Variants in SHLD2 observed in about 807,000 individuals in gnomAD.
The protein encoded by SHLD2 is RINN1-REV7-interacting novel NHEJ regulator 2.
Under a neutral mutation model 73.2 loss-of-function variants are expected in SHLD2, and 30 were observed. That is an observed-to-expected ratio of 0.41 (90% confidence interval 0.31 to 0.56). The LOEUF is 0.56. Among genes scored for constraint, SHLD2 ranks in the 20% least tolerant of loss-of-function variants. The probability of loss-of-function intolerance (pLI) is 0.28; values close to 1 mark genes in which losing one functional copy is unlikely to be tolerated. For missense variants in SHLD2, 745 were observed against 1,055.9 expected (o/e 0.71, Z 4.08); for synonymous variants, 285 against 370.1 (o/e 0.77, Z 2.64).
At chr10:87,190,050 T>G (rs1208763799) in intron 9 of SHLD2, among the ~76,000 whole-genome samples, 1 of 151,634 alleles carries the variant, frequency 6.6e-6, no homozygotes, top group Non-Finnish European at 1.5e-5. Flanking sequence ...ATAGAAAGAG[T>G]AGTTTACTTA....
rs1473390918 is a variant in SHLD2 at position 87,127,541 on chromosome 10, C to CAT, written c.-5-23809_-5-23808insAT. ...GTCCCTCTTACCCGCCCCCCCCCAC[C>CAT]CCGTCTGCCACCCCCCGCCTCCCAC... On this transcript the variant is annotated intron_variant, in intron 2 of 9. Coordinates refer to ENST00000298786, the MANE Select transcript of SHLD2 (RefSeq NM_001330112.2). 8.5e-5 allele frequency among the ~76,000 whole-genome samples: 7 copies of CAT among 82,146 alleles called. No homozygotes were observed. The East Asian group carries it at 3.5e-3, about 41-fold the overall frequency. The allele number at this position is 82,146 out of a possible 152,430, so 53.9% of individuals were successfully genotyped here.
intron 1 of SHLD2, among the ~76,000 whole-genome samples, chr10:87,096,234 G>T (rs983762014): frequency 5.3e-5 from 8 of 151,900 alleles, no homozygotes; most frequent in African/African-American, 1.9e-4. Flanking sequence ...TAGTAGAGAC[G>T]GGGTTTCGCT....
chr10:87,124,769 A>T (rs1435008166), intron 2 of SHLD2, among the ~76,000 whole-genome samples: 2 of 148,492 alleles, frequency 1.3e-5, no homozygotes, highest in East Asian at 3.9e-4. Context: ...TTTTTGAGAC[A>T]GAATCTTGCT....
intron 2 of SHLD2, among the ~76,000 whole-genome samples, chr10:87,103,684 T>C (rs1448803530): frequency 1.3e-5 from 2 of 152,222 alleles, no homozygotes; most frequent in Non-Finnish European, 2.9e-5. Context: ...ACAGAAACTG[T>C]GTCAAAGAAA....
chr10:87,145,200 C>T (rs942758970), intron 2 of SHLD2, among the ~76,000 whole-genome samples: 44 of 152,070 alleles, frequency 2.9e-4, no homozygotes, highest in Admixed American at 2.6e-4. Flanking sequence ...CTCAGCCTCC[C>T]AGCATTTAGT....
At chr10:87,103,810 C>G (rs1842419480) in intron 2 of SHLD2, among the ~76,000 whole-genome samples, 1 of 152,162 alleles carries the variant, frequency 6.6e-6, no homozygotes, top group African/African-American at 2.4e-5. Context: ...TGTTGTATTG[C>G]TGAGTAACAG....
At chr10:87,121,592 T>C (rs890969186) in intron 2 of SHLD2, among the ~76,000 whole-genome samples, 1 of 152,016 alleles carries the variant, frequency 6.6e-6, no homozygotes, top group Non-Finnish European at 1.5e-5. Context: ...GAAACTGTTG[T>C]TTAATTTGAT....
intron 2 of SHLD2, among the ~76,000 whole-genome samples, chr10:87,136,647 A>G (rs1049510135): frequency 2.6e-5 from 4 of 152,236 alleles, no homozygotes; most frequent in African/African-American, 9.6e-5. Flanking sequence ...TTGAATCACT[A>G]CATGGATGAT....
At chr10:87,096,798 C>T (rs1464754348) in intron 1 of SHLD2, 136 bp from the exon 2 acceptor site, 1 of 152,166 alleles carries the variant, frequency 6.6e-6, no homozygotes, top group Non-Finnish European at 1.5e-5. Context: ...AGGTGACAAC[C>T]TGGATCTGTT....
rs1446684114 is a variant in SHLD2 at position 87,153,498 on chromosome 10, TA to T, written c.1525+621del. Among the ~76,000 whole-genome samples the T allele has an allele frequency of 5.9e-4, 90 of 152,334 alleles. 1 individual carries two copies. Among genetic ancestry groups the T allele is most frequent in the African/African-American group, 1.8e-3 (76 of 41,580 alleles). ...TATTGCCTTATTATCAAAATTATATTAATTACACTTGGAAATATGGAAAGGA... is the reference window on the plus strand; with the variant it reads ...TATTGCCTTATTATCAAAATTATATTATTACACTTGGAAATATGGAAAGGA... On this transcript the variant is annotated intron_variant, in intron 3 of 9. Coordinates refer to ENST00000298786, the MANE Select transcript of SHLD2 (RefSeq NM_001330112.2).
chr10:87,184,346 A>AT (rs1848485356), intron 8 of SHLD2, among the ~76,000 whole-genome samples: 1 of 151,888 alleles, frequency 6.6e-6, no homozygotes, highest in Non-Finnish European at 1.5e-5. Flanking sequence ...TTCTCAGGAC[A>AT]GTTTCTCATT....
At chr10:87,131,362 C>T (rs774013627) in intron 2 of SHLD2, among the ~76,000 whole-genome samples, 12 of 152,196 alleles carry the variant, frequency 7.9e-5, no homozygotes, top group African/African-American at 1.2e-4. Flanking sequence ...TAAGCAGTCA[C>T]TCCCCATTCC....
intron 2 of SHLD2, among the ~76,000 whole-genome samples, chr10:87,131,280 A>T (rs939458890): frequency 3.3e-5 from 5 of 152,050 alleles, no homozygotes; most frequent in Non-Finnish European, 7.4e-5. Flanking sequence ...TACATTCACA[A>T]TGTTTTACAG....
rs761176344 is a variant in SHLD2, at chr10:87,151,777, T to G, written c.423T>G (p.Leu141=). 6.2e-7 allele frequency: 1 copy of G among 1,611,974 alleles called. No individual in the cohort carries two copies. The highest frequency in any genetic ancestry group is 1.1e-5 in the South Asian group (1 of 90,986). Residue 141 remains leucine, a synonymous_variant, in exon 3 of 10, where the codon CTT becomes CTG. Coordinates refer to ENST00000298786, the MANE Select transcript of SHLD2 (RefSeq NM_001330112.2). ...CCGAAGAAGAAAAGTATCAAAAGCT[T>G]CTCAGTGAAAATAAAATTAGAGATG... ...HFTEEEKYQK[L]LSENKIRDEQ...
chr10:87,146,741 A>G (rs1845638410), intron 2 of SHLD2, among the ~76,000 whole-genome samples: 1 of 152,050 alleles, frequency 6.6e-6, no homozygotes, highest in Non-Finnish European at 1.5e-5. Context: ...GTGAAGGCAC[A>G]CTGAAATAAC....
intron 2 of SHLD2, among the ~76,000 whole-genome samples, chr10:87,130,572 G>C (rs1355732126): frequency 6.6e-6 from 1 of 152,044 alleles, no homozygotes; most frequent in Admixed American, 6.6e-5. Flanking sequence ...TTCCTAAGGA[G>C]CTTTCAGCCA....
chr10:87,094,602 C>T (rs930453131), upstream of SHLD2: 3 of 1,610,936 alleles, frequency 1.9e-6, no homozygotes, highest in Non-Finnish European at 2.5e-6. This position sits in a 1 kb window ranked among gnomAD's most constrained non-coding sequence, Gnocchi z 6.6. Flanking sequence ...GGTCGGCCAC[C>T]GCCTCGCTGT....
chr10:87,105,665 TCTC>T (rs1234126767), intron 2 of SHLD2, among the ~76,000 whole-genome samples: 2 of 152,234 alleles, frequency 1.3e-5, no homozygotes, highest in African/African-American at 4.8e-5. Flanking sequence ...ACTCTGCTCT[TCTC>T]TCTGTTACAC....
rs376932843 is a variant in SHLD2 at position 87,151,635 on chromosome 10, G to C, written c.281G>C (p.Arg94Pro). The change falls in exon 3 of 10, where the codon CGT becomes CCT. Residue 94 changes from arginine to proline, a missense_variant. Physicochemically the swap from Arg to Pro is moderately radical, Grantham distance 103. Coordinates refer to ENST00000298786, the MANE Select transcript of SHLD2 (RefSeq NM_001330112.2). ...GTTCATGTGAAAGATGACTTTGTAC[G>C]TTCTGTTTCTGAAACACAGAATATA... ...RHVHVKDDFV[R>P]SVSETQNIES... 1.5e-5 allele frequency: 24 copies of C among 1,611,668 alleles called. No homozygotes were observed. Among genetic ancestry groups the C allele is most frequent in the Admixed American group, 3.3e-5 (2 of 59,988 alleles).
Sources: allele counts gnomAD v4.1 joint callset (sites outside exome capture counted in the v4.1 genomes callset), GRCh38; gene constraint gnomAD v4.1.1; non-coding constraint Gnocchi (gnomAD v3.1); transcripts MANE v1.5; gene names NCBI Gene and HGNC (gene_info 2026-07-23, HGNC 2026-07-21).